Variants in MS4A7 observed in about 807,000 individuals in gnomAD.
The protein encoded by MS4A7 is membrane-spanning 4-domains subfamily A member 7.
Under a neutral mutation model 23.5 loss-of-function variants are expected in MS4A7, and 21 were observed. The observed-to-expected ratio is 0.89, with a 90% CI of 0.63 to 1.29. The LOEUF (loss-of-function observed/expected upper bound fraction) is 1.29. Among genes scored for constraint, MS4A7 ranks in the 50% most tolerant of loss-of-function variants. MS4A7 has a pLI of 0.00. For missense variants in MS4A7, 263 were observed against 274.2 expected (o/e 0.96, Z 0.29); for synonymous variants, 111 against 107.4 (o/e 1.03, Z -0.21).
At chr11:60,392,898 T>C (rs1362634301) in intron 6 of MS4A7, 112 bp downstream of exon 6, 17 of 696,822 alleles carry the variant, frequency 2.4e-5, no homozygotes, top group Admixed American at 1.3e-4. Context: ...ATGAGGTGCA[T>C]GTGGAAGGCC....
intron 4 of MS4A7, among the ~76,000 whole-genome samples, 162 bp downstream of exon 4, chr11:60,386,935 G>A (rs1436987533): frequency 6.6e-6 from 1 of 152,240 alleles, no homozygotes; most frequent in African/African-American, 2.4e-5. Flanking sequence ...AGAACCAAGA[G>A]TAGAGCCCAA....
chr11:60,385,791 A>G (rs2085479557), intron 3 of MS4A7, among the ~76,000 whole-genome samples: 1 of 152,188 alleles, frequency 6.6e-6, no homozygotes, highest in South Asian at 2.1e-4. Context: ...CAGTAGATCC[A>G]TTTTTCAGAG....
At chr11:60,385,527 T>G (rs915156720) in intron 3 of MS4A7, among the ~76,000 whole-genome samples, 2 of 152,194 alleles carry the variant, frequency 1.3e-5, no homozygotes, top group Non-Finnish European at 2.9e-5. Flanking sequence ...ATATCCCTCT[T>G]TGAGGCTTTG....
Position 60,393,401 on chromosome 11 carries a change from T to C in MS4A7, c.649-386T>C, listed in dbSNP as rs536078157. Among the ~76,000 whole-genome samples the C allele has an allele frequency of 7.9e-5, 12 of 152,320 alleles. No individual in the cohort carries two copies. The South Asian group carries it at 2.3e-3, about 29-fold the overall frequency. On this transcript the variant is annotated intron_variant, in intron 6 of 6. Transcript: ENST00000300184. Reference sequence around the variant, plus strand: ...TACCTGCCTCCCGAGAGAGTCTCCCTAGCCAAGTTTCCTTGTTAATGTGAT... The same window carrying C: ...TACCTGCCTCCCGAGAGAGTCTCCCCAGCCAAGTTTCCTTGTTAATGTGAT...
intron 3 of MS4A7, 49 bp downstream of exon 3, chr11:60,385,271 C>G (rs747198123): frequency 2.7e-5 from 44 of 1,609,076 alleles, no homozygotes; most frequent in African/African-American, 4.0e-5. Flanking sequence ...TAAATGCTAA[C>G]CAGGTGCATA....
chr11:60,389,853 C>T (rs1252972425), intron 5 of MS4A7: 4 of 467,936 alleles, frequency 8.5e-6, no homozygotes, highest in Non-Finnish European at 1.6e-5. Flanking sequence ...TAATCACAAA[C>T]GTTCCAACCT....
chr11:60,391,932 A>G (rs1377447386), intron 5 of MS4A7, among the ~76,000 whole-genome samples: 1 of 139,750 alleles, frequency 7.2e-6, no homozygotes, highest in Admixed American at 7.6e-5. Flanking sequence ...AAAAAAAAAA[A>G]AGTAATAGAA....
chr11:60,382,874 C>A (rs1397792823), intron 1 of MS4A7, among the ~76,000 whole-genome samples: 1 of 152,162 alleles, frequency 6.6e-6, no homozygotes, highest in African/African-American at 2.4e-5. Context: ...GATTTGCTCA[C>A]CTCTCAATTG....
At position 60,393,831 on chromosome 11, in the gene MS4A7, C is replaced by G. The variant is rs1167834684; in HGVS notation, c.693C>G (p.Val231=). The G allele has an allele frequency of 6.2e-7, 1 of 1,611,340 alleles. No homozygotes were observed. ...STQSQDHIQQ[V]KKSSSRSWI is the part of the protein sequence containing the mutation. ...AGTCACAAGATCATATCCAACAGGT[C>G]AAAAAGAGTTCTTCACGGTCTTGGA... Residue 231 remains valine, a synonymous_variant, in exon 7 of 7, where the codon GTC becomes GTG. Transcript: ENST00000300184.
intron 4 of MS4A7, among the ~76,000 whole-genome samples, chr11:60,388,442 G>A (rs1040242573): frequency 9.8e-5 from 15 of 152,314 alleles, no homozygotes; most frequent in Non-Finnish European, 1.8e-4. Context: ...TCCAACCAAT[G>A]AATGCTGTGA....
At chr11:60,393,174 A>G (rs535617041) in intron 6 of MS4A7, among the ~76,000 whole-genome samples, 60 of 152,302 alleles carry the variant, frequency 3.9e-4, no homozygotes, top group Non-Finnish European at 6.3e-4. Flanking sequence ...CACTCTGGTC[A>G]TCTGGGATCA....
intron 1 of MS4A7, among the ~76,000 whole-genome samples, chr11:60,379,361 G>A (rs2085404189): frequency 6.6e-6 from 1 of 152,162 alleles, no homozygotes; most frequent in Non-Finnish European, 1.5e-5. Context: ...ATTGTTCATA[G>A]TGGCAAAAAG....
intron 4 of MS4A7, among the ~76,000 whole-genome samples, chr11:60,387,410 G>A (rs541098463): frequency 5.3e-5 from 8 of 152,192 alleles, no homozygotes; most frequent in Non-Finnish European, 8.8e-5. Flanking sequence ...TACTATTTAA[G>A]CAACTGAAAT....
At chr11:60,382,569 T>G (rs73479161) in intron 1 of MS4A7, among the ~76,000 whole-genome samples, 4,166 of 152,290 alleles carry the variant, frequency 0.027, 214 homozygotes, top group African/African-American at 0.093. Context: ...CATTACTAAT[T>G]ACGAAGCCAA....
chr11:60,387,897 C>A (rs2085508931), intron 4 of MS4A7, among the ~76,000 whole-genome samples: 1 of 152,236 alleles, frequency 6.6e-6, no homozygotes, highest in Admixed American at 6.5e-5. Context: ...CATTTCCCAA[C>A]TCCTCTTCTA....
chr11:60,385,019 G>T, intron 2 of MS4A7, 69 bp from the exon 3 acceptor site: 2 of 1,396,688 alleles, frequency 1.4e-6, no homozygotes, highest in Non-Finnish European at 1.0e-6. Context: ...ATACTTTACC[G>T]TGTGCATTCA....
chr11:60,383,417 G>A, intron 2 of MS4A7, 129 bp downstream of exon 2: 2 of 1,051,774 alleles, frequency 1.9e-6, no homozygotes, highest in Non-Finnish European at 2.7e-6. Context: ...ATGAGGACAT[G>A]AAATGGAGCT....
chr11:60,393,979 CTTTTG>C lies in MS4A7; in HGVS notation c.*125_*129del. 1.8e-6 allele frequency: 1 copy of C among 564,500 alleles called. No homozygotes were observed. Among genetic ancestry groups the C allele is most frequent in the Non-Finnish European group, 3.0e-6 (1 of 337,058 alleles). 35.0% of individuals were successfully genotyped at this position (564,500 alleles called of 1,614,324 possible). A position where few individuals can be genotyped will look rare whatever the true frequency, so the allele number is the denominator to read the frequency against. ...GTGAAACAAACTAAAAAAAAAAAAG[CTTTTG>C]TTTTGTATTTGTTTACTATGAGTCG... On this transcript the variant is annotated 3_prime_UTR_variant, in exon 7 of 7. Transcript: ENST00000300184.
rs200927861 is a variant in MS4A7, at chr11:60,385,192, G to A, written c.252G>A (p.Met84Ile). ...HFNPAISTTL[M>I]SGYPFLGALC... is the part of the protein sequence containing the mutation. Reference sequence around the variant, plus strand: ...ATCCAGCAATTTCCACCACTTTGATGTCTGGGTACCCATTTTTAGGAGCTC... The same window carrying A: ...ATCCAGCAATTTCCACCACTTTGATATCTGGGTACCCATTTTTAGGAGCTC... The change falls in exon 3 of 7, where the codon ATG becomes ATA. Residue 84 changes from methionine to isoleucine, a missense_variant. Physicochemically the swap from Met to Ile is conservative, Grantham distance 10. Transcript: ENST00000300184. 360 of 1,613,988 alleles carry A rather than the reference G, an allele frequency of 2.2e-4. No individual in the cohort carries two copies. Among genetic ancestry groups the A allele is most frequent in the Non-Finnish European group, 2.9e-4 (344 of 1,180,006 alleles).
Sources: allele counts gnomAD v4.1 joint callset (sites outside exome capture counted in the v4.1 genomes callset), GRCh38; gene constraint gnomAD v4.1.1; transcripts MANE v1.5; gene names NCBI Gene and HGNC (gene_info 2026-07-23, HGNC 2026-07-21).